The following LRRC4C variants were observed in gnomAD, a reference collection of about 807,000 sequenced individuals.
LRRC4C encodes the protein leucine rich repeat containing 4C.
In LRRC4C, 5 loss-of-function variants were observed where a neutral mutation model predicts 33.6. That is an observed-to-expected ratio of 0.15 (90% confidence interval 0.08 to 0.31). The LOEUF is 0.31. Ranked by LOEUF, LRRC4C falls within the 10% of genes least tolerant of loss-of-function variation. The pLI is 1.00. For synonymous variants in LRRC4C, 329 were observed against 302.0 expected (o/e 1.09, Z -0.93); for missense variants, 560 against 796.7 (o/e 0.70, Z 3.58).
intron 2 of LRRC4C, among the ~76,000 whole-genome samples, chr11:40,715,230 A>C (rs903731377): frequency 6.6e-6 from 1 of 152,264 alleles, no homozygotes; most frequent in African/African-American, 2.4e-5. Context: ...ACTAAGTAGA[A>C]AAGTGAGCAA....
intron 1 of LRRC4C, among the ~76,000 whole-genome samples, chr11:41,332,256 A>G (rs1951318378): frequency 6.6e-6 from 1 of 152,234 alleles, no homozygotes; most frequent in Admixed American, 6.5e-5. Context: ...TAATTAACAA[A>G]CATATACAAT....
chr11:40,812,773 T>G (rs1487033747), intron 2 of LRRC4C, among the ~76,000 whole-genome samples: 1 of 152,156 alleles, frequency 6.6e-6, no homozygotes, highest in Non-Finnish European at 1.5e-5. Context: ...ATTTTTAACA[T>G]TAGAATAATC....
chr11:40,969,011 A>T (rs1191511620), intron 1 of LRRC4C, among the ~76,000 whole-genome samples: 1 of 152,172 alleles, frequency 6.6e-6, no homozygotes, highest in Non-Finnish European at 1.5e-5. Flanking sequence ...GCACACTGAA[A>T]ATCTTCGGGA....
chr11:40,966,319 G>A (rs984434678), intron 1 of LRRC4C, among the ~76,000 whole-genome samples: 4 of 151,894 alleles, frequency 2.6e-5, no homozygotes. Context: ...ATTGAAGAAA[G>A]TGAGTTTAGT....
chr11:40,421,269 C>T (rs1454143838), intron 3 of LRRC4C, among the ~76,000 whole-genome samples: 1 of 152,164 alleles, frequency 6.6e-6, no homozygotes, highest in Non-Finnish European at 1.5e-5. Context: ...AGCTTTCTCT[C>T]CAGGAGCACA....
intron 2 of LRRC4C, among the ~76,000 whole-genome samples, chr11:40,837,886 C>CTA (rs67611635): frequency 4.0e-4 from 60 of 148,924 alleles, no homozygotes; most frequent in South Asian, 1.9e-3. Context: ...GATGCTTAAA[C>CTA]TATATATATA....
chr11:40,419,405 G>A (rs1035023420), intron 3 of LRRC4C, among the ~76,000 whole-genome samples: 1 of 152,080 alleles, frequency 6.6e-6, no homozygotes, highest in African/African-American at 2.4e-5. Flanking sequence ...AAGGCAGCTA[G>A]AGAAAAATGG....
At chr11:41,448,144 G>T (rs1955895535) in intron 1 of LRRC4C, among the ~76,000 whole-genome samples, 2 of 20,724 alleles carry the variant, frequency 9.7e-5, no homozygotes, top group Admixed American at 3.6e-4. Flanking sequence ...TTTTTTTTTG[G>T]AGCTTTACTT....
chr11:41,236,782 G>T (rs555003172), intron 1 of LRRC4C, among the ~76,000 whole-genome samples: 14 of 152,232 alleles, frequency 9.2e-5, no homozygotes, highest in Admixed American at 7.8e-4. Flanking sequence ...GTTTTCTAGT[G>T]GTATGACCTG....
intron 1 of LRRC4C, among the ~76,000 whole-genome samples, chr11:41,107,959 AGGGAGAGGGGAGAG>A (rs68011353): frequency 0.51 from 73,012 of 143,934 alleles, 18,888 homozygotes; most frequent in South Asian, 0.69. Context: ...AGAGAAGAGA[AGGGAGAGGGGAGAG>A]GGGAGAGGGG....
intron 1 of LRRC4C, among the ~76,000 whole-genome samples, chr11:41,400,832 T>G (rs1189231357): frequency 2.6e-5 from 4 of 151,400 alleles, no homozygotes; most frequent in Non-Finnish European, 5.9e-5. Flanking sequence ...TACTAGAGTT[T>G]ATTTAAGGTT....
intron 1 of LRRC4C, among the ~76,000 whole-genome samples, chr11:40,996,121 T>C (rs752493486): frequency 6.6e-6 from 1 of 152,184 alleles, no homozygotes; most frequent in Non-Finnish European, 1.5e-5. Flanking sequence ...GGCAATGCTG[T>C]TGTTACAACA....
intron 1 of LRRC4C, among the ~76,000 whole-genome samples, chr11:41,067,438 A>C (rs1387604351): frequency 6.6e-6 from 1 of 152,198 alleles, no homozygotes; most frequent in Non-Finnish European, 1.5e-5. Context: ...AGACCTACAA[A>C]GAGACTTAGA....
At chr11:40,419,881 A>C (rs959928573) in intron 3 of LRRC4C, among the ~76,000 whole-genome samples, 1 of 152,216 alleles carries the variant, frequency 6.6e-6, no homozygotes, top group Non-Finnish European at 1.5e-5. Context: ...GAGCATCTCA[A>C]AAGGTTGAAG....
At chr11:40,309,217 A>T (rs1945184381) in intron 4 of LRRC4C, among the ~76,000 whole-genome samples, 1 of 152,254 alleles carries the variant, frequency 6.6e-6, no homozygotes, top group South Asian at 2.1e-4. Context: ...TCTACTTTCT[A>T]TTTCTATAGA....
At chr11:41,012,294 T>C (rs1855257696) in intron 1 of LRRC4C, among the ~76,000 whole-genome samples, 1 of 152,150 alleles carries the variant, frequency 6.6e-6, no homozygotes, top group Non-Finnish European at 1.5e-5. Flanking sequence ...CCATAAGATA[T>C]ACTTTTTTAG....
At chr11:40,518,821 A>C (rs947818240) in intron 3 of LRRC4C, among the ~76,000 whole-genome samples, 54 of 152,020 alleles carry the variant, frequency 3.6e-4, no homozygotes, top group Non-Finnish European at 7.4e-4. Context: ...ACTATTCACA[A>C]TAGCAAAGAC....
At chr11:40,644,975 G>A (rs1338534229) in intron 3 of LRRC4C, among the ~76,000 whole-genome samples, 2 of 151,422 alleles carry the variant, frequency 1.3e-5, no homozygotes, top group African/African-American at 4.9e-5. Context: ...ACATGTGAAT[G>A]TACAATTATT....
intron 3 of LRRC4C, among the ~76,000 whole-genome samples, chr11:40,447,693 G>C (rs112972963): frequency 1.2e-4 from 18 of 152,322 alleles, no homozygotes; most frequent in African/African-American, 4.3e-4. Flanking sequence ...CCGTCTCTAA[G>C]TGAAGGCTTC....
Sources: gnomAD v4.1 joint callset for allele counts (sites outside exome capture counted in the v4.1 genomes callset) on GRCh38, gnomAD v4.1.1 for gene constraint, MANE v1.5 for transcripts, NCBI Gene and HGNC (gene_info 2026-07-23, HGNC 2026-07-21) for gene names.